ATXN10: variants seen among roughly 807,000 people sequenced by gnomAD.
ATXN10 encodes ataxin 10.
ATXN10 carries 28 observed loss-of-function variants against 52.9 expected under a neutral mutation model. The observed-to-expected ratio is 0.53, with a 90% CI of 0.39 to 0.73. The LOEUF is 0.73. Among genes scored for constraint, ATXN10 ranks in the 30% least tolerant of loss-of-function variants. The probability of loss-of-function intolerance (pLI) is 0.00; values close to 1 mark genes in which losing one functional copy is unlikely to be tolerated. For synonymous variants in ATXN10, 226 were observed against 221.5 expected (o/e 1.02, Z -0.18); for missense variants, 565 against 577.0 (o/e 0.98, Z 0.21).
chr22:45,801,886 C>T (rs556206627), intron 9 of ATXN10, among the ~76,000 whole-genome samples: 1 of 152,322 alleles, frequency 6.6e-6, no homozygotes, highest in South Asian at 2.1e-4. Context: ...CTTTCCCATA[C>T]AGTCCTCACT....
At position 45,759,865 on chromosome 22, in the gene ATXN10, A is replaced by G. The variant is rs1292148594; in HGVS notation, c.1173+19327A>G. ...CACAGATTTTTAATGAATGGCTGATAAGTTTTGACAGATGTCTGCACCTGT... is the reference window on the plus strand; with the variant it reads ...CACAGATTTTTAATGAATGGCTGATGAGTTTTGACAGATGTCTGCACCTGT... On this transcript the variant is annotated intron_variant, in intron 9 of 11. Coordinates refer to ENST00000252934, the MANE Select transcript of ATXN10 (RefSeq NM_013236.4). This position sits in a 1 kb window ranked among gnomAD's most constrained non-coding sequence, Gnocchi z 5.4. Among the ~76,000 whole-genome samples, 1 of 152,156 alleles carries G rather than the reference A, an allele frequency of 6.6e-6. No individual in the cohort carries two copies. Among genetic ancestry groups the G allele is most frequent in the Admixed American group, 6.5e-5 (1 of 15,288 alleles).
chr22:45,746,424 T>C (rs1308688428), intron 9 of ATXN10, among the ~76,000 whole-genome samples: 2 of 152,058 alleles, frequency 1.3e-5, no homozygotes, highest in Admixed American at 1.3e-4. Flanking sequence ...TTTATTTAGG[T>C]TGTTGCTCTT....
chr22:45,783,438 C>G lies in ATXN10; in HGVS notation c.1174-23521C>G, dbSNP rs554427915. ...TACAACTCTCTGTTCTTTTCTGAAGCACCAGTCTCTGTAAATTCTTTCTGT... is the reference window on the plus strand; with the variant it reads ...TACAACTCTCTGTTCTTTTCTGAAGGACCAGTCTCTGTAAATTCTTTCTGT... On this transcript the variant is annotated intron_variant, in intron 9 of 11. Coordinates refer to ENST00000252934, the MANE Select transcript of ATXN10 (RefSeq NM_013236.4). The surrounding 1 kb of genome is among the most constrained non-coding windows in gnomAD (Gnocchi z 5.0). Among the ~76,000 whole-genome samples the G allele has an allele frequency of 6.6e-6, 1 of 152,354 alleles. No individual in the cohort carries two copies. Among genetic ancestry groups the G allele is most frequent in the African/African-American group, 2.4e-5 (1 of 41,582 alleles).
intron 9 of ATXN10, among the ~76,000 whole-genome samples, chr22:45,751,763 A>AAAAAAAAATAATAATAAT: frequency 2.1e-3 from 143 of 66,530 alleles, no homozygotes; most frequent in South Asian, 5.7e-3. Flanking sequence ...AATAAAAAAA[A>AAAAAAAAATAATAATAAT]AATAATAATA....
At chr22:45,808,193 G>A (rs920815925) in intron 10 of ATXN10, among the ~76,000 whole-genome samples, 3 of 152,140 alleles carry the variant, frequency 2.0e-5, no homozygotes, top group African/African-American at 7.2e-5. Flanking sequence ...ATTAAAGAGT[G>A]TTGACATTTT....
chr22:45,696,651 T>A lies in ATXN10; in HGVS notation c.391+3573T>A, dbSNP rs1421622747. ...AGCAAGTAATATGCCCTCCCATTTT[T>A]CATTTAAAAATATCTTCTTTTGACT... On this transcript the variant is annotated intron_variant, in intron 3 of 11. Transcript: ENST00000252934. This position sits in a 1 kb window ranked among gnomAD's most constrained non-coding sequence, Gnocchi z 4.7. Among the ~76,000 whole-genome samples, 2 of 152,240 alleles carry A rather than the reference T, an allele frequency of 1.3e-5. No homozygotes were observed. The highest frequency in any genetic ancestry group is 2.4e-5 in the African/African-American group (1 of 41,464).
chr22:45,704,836 C>T (rs1377694823), intron 5 of ATXN10, among the ~76,000 whole-genome samples: 1 of 152,106 alleles, frequency 6.6e-6, no homozygotes, highest in Non-Finnish European at 1.5e-5. Context: ...TGAGAGCAGA[C>T]ATATGTTTCT....
intron 10 of ATXN10, among the ~76,000 whole-genome samples, chr22:45,810,265 C>G (rs1392727362): frequency 6.6e-6 from 1 of 152,176 alleles, no homozygotes; most frequent in Non-Finnish European, 1.5e-5. Context: ...TTCCATTCAT[C>G]TTTTTGTCTA....
chr22:45,672,397 C>T (rs1301493799), intron 1 of ATXN10: 4 of 300,686 alleles, frequency 1.3e-5, no homozygotes, highest in Non-Finnish European at 2.2e-5. Context: ...CCCCGCTCCC[C>T]CACCGCAGCC....
chr22:45,672,592 C>T (rs1310889034), intron 1 of ATXN10: 1 of 152,738 alleles, frequency 6.5e-6, no homozygotes, highest in Non-Finnish European at 1.5e-5. Context: ...GTTACGGACG[C>T]GGGAATTGGG....
intron 9 of ATXN10, among the ~76,000 whole-genome samples, chr22:45,803,433 G>A (rs558423819): frequency 6.6e-6 from 1 of 152,240 alleles, no homozygotes; most frequent in Non-Finnish European, 1.5e-5. Flanking sequence ...CACTTCTTTA[G>A]GGAGGCCTTC....
At chr22:45,725,683 TAGACCTTCC>T (rs1416242304) in intron 6 of ATXN10, among the ~76,000 whole-genome samples, 2 of 152,186 alleles carry the variant, frequency 1.3e-5, no homozygotes, top group Admixed American at 6.5e-5. Flanking sequence ...TTGTTCTGGC[TAGACCTTCC>T]AGTGTTATAC....
intron 9 of ATXN10, among the ~76,000 whole-genome samples, chr22:45,804,325 C>T (rs1252811464): frequency 6.6e-6 from 1 of 152,232 alleles, no homozygotes; most frequent in Non-Finnish European, 1.5e-5. Context: ...ATTAAAGCAT[C>T]TGATTGCCTA....
In ATXN10 at chr22:45,835,102, G is replaced by A. The variant is rs555454746; in HGVS notation, c.1238-7889G>A. 9.9e-5 allele frequency among the ~76,000 whole-genome samples: 15 copies of A among 152,264 alleles called. No homozygotes were observed. In the South Asian group the frequency reaches 2.1e-3, roughly 21 times the overall value. On this transcript the variant is annotated intron_variant, in intron 10 of 11. Transcript: ENST00000252934. The surrounding 1 kb of genome is among the most constrained non-coding windows in gnomAD (Gnocchi z 5.0). ...TTTCATTGCCACAGGATCCTTCACC[G>A]CCAAAACCCCGTGAATGTGAGGTAC...
Position 45,718,898 on chromosome 22 carries a change from G to A in ATXN10, c.728+405G>A, listed in dbSNP as rs1924547305. On this transcript the variant is annotated intron_variant, in intron 6 of 11. Coordinates refer to ENST00000252934, the MANE Select transcript of ATXN10 (RefSeq NM_013236.4). This position sits in a 1 kb window ranked among gnomAD's most constrained non-coding sequence, Gnocchi z 4.4. ...TTTGTAGGTTTCTAATGGATAATTT[G>A]GACTAAAATAAAATTGACGCCCGTC... Among the ~76,000 whole-genome samples, 1 of 152,060 alleles carries A rather than the reference G, an allele frequency of 6.6e-6. No homozygotes were observed. The highest frequency in any genetic ancestry group is 2.4e-5 in the African/African-American group (1 of 41,406).
At chr22:45,813,656 C>T (rs1054445820) in intron 10 of ATXN10, among the ~76,000 whole-genome samples, 9 of 152,016 alleles carry the variant, frequency 5.9e-5, no homozygotes, top group Admixed American at 5.9e-4. Flanking sequence ...CCTTAATTTC[C>T]GAGCATTGCA....
intron 9 of ATXN10, among the ~76,000 whole-genome samples, chr22:45,796,159 G>A (rs1047979089): frequency 5.3e-5 from 8 of 152,332 alleles, no homozygotes; most frequent in South Asian, 2.1e-4. Context: ...TAAAATGGCC[G>A]CTCAGGGAGT....
rs1416825536 is a variant in ATXN10 at position 45,762,909 on chromosome 22, G to GAGGC, written c.1173+22373_1173+22376dup. 6.6e-5 allele frequency among the ~76,000 whole-genome samples: 10 copies of GAGGC among 152,248 alleles called. No homozygotes were observed. Among genetic ancestry groups the GAGGC allele is most frequent in the Admixed American group, 6.5e-4 (10 of 15,290 alleles). On this transcript the variant is annotated intron_variant, in intron 9 of 11. Transcript: ENST00000252934. The surrounding 1 kb of genome is among the most constrained non-coding windows in gnomAD (Gnocchi z 4.3). ...CTCACAGCCCAGACTGTGGACTGCA[G>GAGGC]AGGCATCACCTAGGGGCTTGTCTGA...
chr22:45,689,613 T>C lies in ATXN10; in HGVS notation c.117-99T>C. ...GGAGCTAAAGCAGATAAACGTAGCG[T>C]ACCTCCCCACAATAGTAGATAAAAG... is the stretch of plus-strand genomic sequence containing the variant. On this transcript the variant is annotated intron_variant, in intron 1 of 11. Transcript: ENST00000252934. 5.9e-6 allele frequency: 6 copies of C among 1,014,886 alleles called. No individual in the cohort carries two copies. In the South Asian group the frequency reaches 6.6e-5, roughly 11 times the overall value. The allele number at this position is 1,014,886 out of a possible 1,614,324, so 62.9% of individuals were successfully genotyped here.
Sources: allele counts gnomAD v4.1 joint callset (sites outside exome capture counted in the v4.1 genomes callset), GRCh38; gene constraint gnomAD v4.1.1; non-coding constraint Gnocchi (gnomAD v3.1); transcripts MANE v1.5; gene names NCBI Gene and HGNC (gene_info 2026-07-23, HGNC 2026-07-21).